Variants in PDSS2 observed in about 807,000 individuals in gnomAD.
PDSS2 encodes decaprenyl diphosphate synthase subunit 2, also known as all trans-polyprenyl-diphosphate synthase PDSS2.
In PDSS2, 31 loss-of-function variants were observed where a neutral mutation model predicts 44.5. The observed-to-expected ratio is 0.70, with a 90% CI of 0.52 to 0.94. The LOEUF (loss-of-function observed/expected upper bound fraction) is 0.94, where lower values mean the gene tolerates loss of function less well. PDSS2 is among the 40% of genes least tolerant of loss of function. The pLI is 0.00. For missense variants in PDSS2, 452 were observed against 482.2 expected (o/e 0.94, Z 0.59); for synonymous variants, 157 against 180.3 (o/e 0.87, Z 1.03).
intron 1 of PDSS2, among the ~76,000 whole-genome samples, chr6:107,402,886 C>G (rs1780192591): frequency 6.6e-6 from 1 of 152,036 alleles, no homozygotes; most frequent in Non-Finnish European, 1.5e-5. Flanking sequence ...AACTACAGTT[C>G]AAGATGAGAT....
intron 7 of PDSS2, among the ~76,000 whole-genome samples, chr6:107,179,111 A>G (rs1217500958): frequency 6.6e-6 from 1 of 152,216 alleles, no homozygotes; most frequent in Non-Finnish European, 1.5e-5. Context: ...AGGTCTACCC[A>G]TTTTTCTGAC....
intron 1 of PDSS2, among the ~76,000 whole-genome samples, chr6:107,361,794 C>A (rs1456180764): frequency 1.3e-5 from 2 of 152,196 alleles, no homozygotes; most frequent in African/African-American, 4.8e-5. Flanking sequence ...TTTGAGCACT[C>A]TGCAATCCAA....
intron 1 of PDSS2, among the ~76,000 whole-genome samples, chr6:107,454,660 T>C (rs1187050750): frequency 6.6e-6 from 1 of 152,038 alleles, no homozygotes; most frequent in African/African-American, 2.4e-5. Context: ...TCCTGCTGTT[T>C]GCTAACAAAG....
At chr6:107,451,269 C>G (rs551978972) in intron 1 of PDSS2, among the ~76,000 whole-genome samples, 3 of 152,240 alleles carry the variant, frequency 2.0e-5, no homozygotes, top group Admixed American at 1.3e-4. Context: ...TTTATTTTAG[C>G]CATTCTAATT....
At chr6:107,227,612 C>T (rs1460540780) in intron 4 of PDSS2, among the ~76,000 whole-genome samples, 1 of 152,034 alleles carries the variant, frequency 6.6e-6, no homozygotes, top group African/African-American at 2.4e-5. Context: ...AGAGAGTGCT[C>T]CAAAGAGAAA....
intron 4 of PDSS2, among the ~76,000 whole-genome samples, chr6:107,237,910 A>G (rs926281091): frequency 1.3e-5 from 2 of 151,800 alleles, no homozygotes; most frequent in African/African-American, 4.8e-5. Context: ...AAAAAAAAAA[A>G]AAAAAGAAAA....
chr6:107,241,204 G>A (rs1774411187), intron 4 of PDSS2, among the ~76,000 whole-genome samples: 1 of 144,474 alleles, frequency 6.9e-6, no homozygotes, highest in South Asian at 2.2e-4. Context: ...AGCTGAGATC[G>A]CGCCACTGCA....
intron 3 of PDSS2, among the ~76,000 whole-genome samples, chr6:107,269,932 GC>G (rs1562422616): frequency 6.6e-6 from 1 of 152,094 alleles, no homozygotes; most frequent in Non-Finnish European, 1.5e-5. Flanking sequence ...CTCCCAAAGT[GC>G]TGGAAATACA....
At chr6:107,164,208 G>A (rs1771254043) in intron 7 of PDSS2, among the ~76,000 whole-genome samples, 1 of 151,806 alleles carries the variant, frequency 6.6e-6, no homozygotes, top group African/African-American at 2.4e-5. Flanking sequence ...GGGTACCTGT[G>A]CACAACGTGC....
chr6:107,184,941 G>A (rs1296935866), intron 7 of PDSS2, among the ~76,000 whole-genome samples: 1 of 151,674 alleles, frequency 6.6e-6, no homozygotes, highest in Non-Finnish European at 1.5e-5. Context: ...CCTTTTGTGT[G>A]TTGAGTCATG....
chr6:107,157,856 A>G (rs1554245960), intron 7 of PDSS2, among the ~76,000 whole-genome samples: 1 of 151,880 alleles, frequency 6.6e-6, no homozygotes, highest in African/African-American at 2.4e-5. Flanking sequence ...TATTTTTAGT[A>G]GAGACGGGGT....
chr6:107,193,127 G>A (rs1169660511), intron 7 of PDSS2, among the ~76,000 whole-genome samples: 1 of 152,228 alleles, frequency 6.6e-6, no homozygotes, highest in African/African-American at 2.4e-5. Flanking sequence ...TGACCCAAGT[G>A]TGTTCCTAGG....
intron 6 of PDSS2, among the ~76,000 whole-genome samples, chr6:107,198,800 T>TAACAAC (rs35128756): frequency 0.094 from 14,092 of 149,324 alleles, 822 homozygotes; most frequent in East Asian, 0.2. Flanking sequence ...CTACAAACAA[T>TAACAAC]AACAACAACA....
intron 1 of PDSS2, among the ~76,000 whole-genome samples, chr6:107,375,552 G>T (rs1009158913): frequency 1.3e-5 from 2 of 152,158 alleles, no homozygotes; most frequent in African/African-American, 4.8e-5. Context: ...AACTAAAACA[G>T]TTCAGCCCAG....
chr6:107,326,159 G>A (rs1225106462), intron 2 of PDSS2, among the ~76,000 whole-genome samples: 3 of 149,156 alleles, frequency 2.0e-5, no homozygotes, highest in East Asian at 4.0e-4. Context: ...CTGGAGTGCA[G>A]TGGCACAATC....
At chr6:107,458,729 T>C (rs2114900146) in intron 1 of PDSS2, among the ~76,000 whole-genome samples, 1 of 152,144 alleles carries the variant, frequency 6.6e-6, no homozygotes, top group African/African-American at 2.4e-5. Context: ...CTGAGGCATC[T>C]TCATCCTCAA....
intron 1 of PDSS2, among the ~76,000 whole-genome samples, chr6:107,391,854 AT>A (rs35833788): frequency 6.6e-6 from 1 of 150,566 alleles, no homozygotes; most frequent in South Asian, 2.1e-4. Flanking sequence ...ATACATGCTC[AT>A]TTTTTTTTAA....
intron 1 of PDSS2, among the ~76,000 whole-genome samples, chr6:107,377,478 C>T (rs1779320607): frequency 6.6e-6 from 1 of 152,092 alleles, no homozygotes; most frequent in Admixed American, 6.6e-5. Flanking sequence ...GACAGTGTGG[C>T]GATTCCTCAG....
chr6:107,316,196 T>C (rs563432111), intron 2 of PDSS2, among the ~76,000 whole-genome samples: 1 of 152,342 alleles, frequency 6.6e-6, no homozygotes, highest in South Asian at 2.1e-4. Context: ...CTGTTGGTTA[T>C]TCTTCTTAAT....
Sources: gnomAD v4.1 joint callset for allele counts (sites outside exome capture counted in the v4.1 genomes callset) on GRCh38, gnomAD v4.1.1 for gene constraint, MANE v1.5 for transcripts, NCBI Gene and HGNC (gene_info 2026-07-23, HGNC 2026-07-21) for gene names.